Variants in RABEP1 observed in about 807,000 individuals in gnomAD.
The protein encoded by RABEP1 is rab GTPase-binding effector protein 1.
In RABEP1, 51 loss-of-function variants were observed where a neutral mutation model predicts 123.4. The ratio of observed to expected loss-of-function variants is 0.41; its 90% CI spans 0.33 to 0.52. The LOEUF (loss-of-function observed/expected upper bound fraction) is 0.52, where lower values mean the gene tolerates loss of function less well. Among genes scored for constraint, RABEP1 ranks in the 20% least tolerant of loss-of-function variants. The probability of loss-of-function intolerance (pLI) is 0.16; values close to 1 mark genes in which losing one functional copy is unlikely to be tolerated. For missense variants in RABEP1, 888 were observed against 996.3 expected (o/e 0.89, Z 1.46); for synonymous variants, 347 against 355.2 (o/e 0.98, Z 0.26).
At chr17:5,337,895 G>A (rs1020900778) in intron 4 of RABEP1, 124 bp from the exon 5 acceptor site, 14 of 1,047,150 alleles carry the variant, frequency 1.3e-5, no homozygotes, top group South Asian at 2.7e-5. Context: ...TCAGTTTTGC[G>A]AATATTAATA....
rs189554133 is a variant in RABEP1 at position 5,374,888 on chromosome 17, C to T, written c.2025+1434C>T. Among the ~76,000 whole-genome samples the T allele has an allele frequency of 1.5e-3, 233 of 152,282 alleles. 1 individual carries two copies. The highest frequency in any genetic ancestry group is 5.4e-3 in the African/African-American group (225 of 41,566). ...CCAACTCCTGACCTCGTGATCCGCC[C>T]GCCTTGGCCTCCCAAAGTGCGGGGA... is the stretch of plus-strand genomic sequence containing the variant. On this transcript the variant is annotated intron_variant, in intron 13 of 17. Coordinates refer to ENST00000537505, the MANE Select transcript of RABEP1 (RefSeq NM_004703.6).
chr17:5,315,720 T>G (rs1375999851), intron 2 of RABEP1, among the ~76,000 whole-genome samples: 1 of 152,082 alleles, frequency 6.6e-6, no homozygotes, highest in Admixed American at 6.5e-5. Context: ...AGCATGGTGG[T>G]GCACATCTGT....
intron 2 of RABEP1, among the ~76,000 whole-genome samples, chr17:5,328,932 CAA>C (rs1353065128): frequency 3.8e-5 from 4 of 104,472 alleles, no homozygotes; most frequent in African/African-American, 7.1e-5. Flanking sequence ...GAGACTGTCT[CAA>C]AAAAAAAAAA....
At chr17:5,363,600 G>A (rs1445053354) in intron 10 of RABEP1, among the ~76,000 whole-genome samples, 3 of 152,024 alleles carry the variant, frequency 2.0e-5, no homozygotes, top group Admixed American at 1.3e-4. Context: ...TGCCCCTTCC[G>A]CCTAAGGCCT....
intron 5 of RABEP1, among the ~76,000 whole-genome samples, chr17:5,342,001 G>A (rs1304672620): frequency 6.6e-6 from 1 of 152,120 alleles, no homozygotes. Flanking sequence ...TCAGAAATGA[G>A]GCATAAGAAC....
chr17:5,296,269 T>G (rs1169630271), intron 1 of RABEP1, among the ~76,000 whole-genome samples: 11 of 152,314 alleles, frequency 7.2e-5, no homozygotes, highest in Admixed American at 5.2e-4. Context: ...GGTATCTTTT[T>G]TTTGTTTGTT....
chr17:5,377,520 ATTTTTTTT>A (rs960634048), intron 14 of RABEP1, among the ~76,000 whole-genome samples: 13 of 99,822 alleles, frequency 1.3e-4, no homozygotes, highest in Non-Finnish European at 1.7e-4. Context: ...TATTTAAAAA[ATTTTTTTT>A]TTTTTTTTTT....
Position 5,367,979 on chromosome 17 carries a change from A to T in RABEP1, c.1786-391A>T, listed in dbSNP as rs568880677. On this transcript the variant is annotated intron_variant, in intron 11 of 17. Transcript: ENST00000537505. ...ACCATGCAGGCCAGGCTGGTCTCGA[A>T]CTCCTGACCTCAGGTGATCTGCCCG... Among the ~76,000 whole-genome samples the T allele has an allele frequency of 2.0e-5, 3 of 148,762 alleles. No homozygotes were observed. In the East Asian group the frequency reaches 6.5e-4, roughly 32 times the overall value.
rs77302335 is a variant in RABEP1 at position 5,338,832 on chromosome 17, T to A, written c.648+694T>A. Among the ~76,000 whole-genome samples the A allele has an allele frequency of 6.3e-3, 958 of 152,228 alleles. 10 individuals are homozygous for A. Among genetic ancestry groups the A allele is most frequent in the African/African-American group, 0.022 (904 of 41,536 alleles). ...TAATGTAGCTATAGTATTGCTGAATTTGTTGGCCATAAAGACACAGCAAAA... is the reference window on the plus strand; with the variant it reads ...TAATGTAGCTATAGTATTGCTGAATATGTTGGCCATAAAGACACAGCAAAA... On this transcript the variant is annotated intron_variant, in intron 5 of 17. Coordinates refer to ENST00000537505, the MANE Select transcript of RABEP1 (RefSeq NM_004703.6).
At chr17:5,375,682 G>A (rs1203603847) in intron 13 of RABEP1, among the ~76,000 whole-genome samples, 1 of 151,656 alleles carries the variant, frequency 6.6e-6, no homozygotes, top group African/African-American at 2.4e-5. Context: ...CTCCAGCCTG[G>A]GAGACAGAGT....
chr17:5,321,001 A>C (rs2075350117), intron 2 of RABEP1, among the ~76,000 whole-genome samples: 1 of 152,244 alleles, frequency 6.6e-6, no homozygotes. Flanking sequence ...AGCCCCAACT[A>C]TATACTGCCT....
intron 13 of RABEP1, 66 bp from the exon 14 acceptor site, chr17:5,377,050 A>C: frequency 6.8e-7 from 1 of 1,477,806 alleles, no homozygotes. Context: ...GGTTACAGAA[A>C]ATCTTTAGCT....
chr17:5,338,806 A>G (rs759540766), intron 5 of RABEP1, among the ~76,000 whole-genome samples: 3 of 152,134 alleles, frequency 2.0e-5, no homozygotes, highest in Non-Finnish European at 4.4e-5. Context: ...TCTTTTAGAG[A>G]TAATGTAGCT....
chr17:5,291,962 G>A (rs375382848), intron 1 of RABEP1, among the ~76,000 whole-genome samples: 4 of 152,198 alleles, frequency 2.6e-5, no homozygotes, highest in Middle Eastern at 3.2e-3. Context: ...ATTACTGCCA[G>A]TTTGATCATT....
At chr17:5,325,915 A>G (rs1374400693) in intron 2 of RABEP1, among the ~76,000 whole-genome samples, 1 of 152,218 alleles carries the variant, frequency 6.6e-6, no homozygotes, top group Non-Finnish European at 1.5e-5. Context: ...CTCACTAAAG[A>G]GTCTATACAG....
chr17:5,330,963 A>G (rs1179258869), intron 2 of RABEP1, among the ~76,000 whole-genome samples: 1 of 144,862 alleles, frequency 6.9e-6, no homozygotes, highest in Non-Finnish European at 1.5e-5. Flanking sequence ...ATTTGAGGTT[A>G]TAGTGGTCTA....
chr17:5,376,178 G>C (rs372057564), intron 13 of RABEP1, among the ~76,000 whole-genome samples: 1 of 152,076 alleles, frequency 6.6e-6, no homozygotes, highest in Non-Finnish European at 1.5e-5. Context: ...AATCCAGGCC[G>C]GGCACAGTGG....
chr17:5,297,828 C>T (rs541712456), intron 1 of RABEP1, among the ~76,000 whole-genome samples: 1 of 152,216 alleles, frequency 6.6e-6, no homozygotes, highest in African/African-American at 2.4e-5. Flanking sequence ...CCTGTGCTCT[C>T]AGCTGTTATG....
chr17:5,285,289 CTTTTTTTCTTTTTTT>C (rs1011186204), intron 1 of RABEP1, among the ~76,000 whole-genome samples: 8 of 149,062 alleles, frequency 5.4e-5, no homozygotes, highest in African/African-American at 1.7e-4. Context: ...TTTTACTTCA[CTTTTTTTCTTTTTTT>C]TTTTTTTCTT....
Sources: allele counts gnomAD v4.1 joint callset (sites outside exome capture counted in the v4.1 genomes callset), GRCh38; gene constraint gnomAD v4.1.1; transcripts MANE v1.5; gene names NCBI Gene and HGNC (gene_info 2026-07-23, HGNC 2026-07-21).